LARS1: variants seen among roughly 807,000 people sequenced by gnomAD.
The protein encoded by LARS1 is leucine--tRNA ligase, cytoplasmic.
A neutral mutation model predicts 162.8 loss-of-function variants in LARS1; 100 were observed. The observed-to-expected ratio is 0.61, with a 90% CI of 0.52 to 0.73. The LOEUF (loss-of-function observed/expected upper bound fraction) is 0.73. Among genes scored for constraint, LARS1 ranks in the 30% least tolerant of loss-of-function variants. LARS1 has a pLI of 0.00. For missense variants in LARS1, 1,258 were observed against 1,408.9 expected (o/e 0.89, Z 1.71); for synonymous variants, 457 against 462.8 (o/e 0.99, Z 0.16).
chr5:146,144,009 GA>G (rs1297569844), intron 18 of LARS1, among the ~76,000 whole-genome samples: 1 of 151,122 alleles, frequency 6.6e-6, no homozygotes, highest in Non-Finnish European at 1.5e-5. Flanking sequence ...CTCTAAAAAA[GA>G]AAAAAAAGAC....
At chr5:146,176,736 G>A (rs1354127779) in intron 2 of LARS1, among the ~76,000 whole-genome samples, 3 of 151,862 alleles carry the variant, frequency 2.0e-5, no homozygotes, top group Admixed American at 6.6e-5. Flanking sequence ...CATGATCTAC[G>A]TTTGTCTTTA....
At chr5:146,179,677 G>A (rs757211262) in intron 1 of LARS1, 15 of 441,618 alleles carry the variant, frequency 3.4e-5, no homozygotes, top group Admixed American at 9.8e-5. Context: ...CCAGCTCACC[G>A]CAGCCTTGAC....
intron 2 of LARS1, among the ~76,000 whole-genome samples, chr5:146,176,256 A>T (rs2126602320): frequency 6.6e-6 from 1 of 152,228 alleles, no homozygotes. Flanking sequence ...AATCGAGACC[A>T]TCCTGGCCAA....
At chr5:146,126,621 G>T in intron 27 of LARS1, 76 bp from the exon 28 acceptor site, 1 of 906,866 alleles carries the variant, frequency 1.1e-6, no homozygotes, top group Non-Finnish European at 1.8e-6. Flanking sequence ...ATGTGACCAG[G>T]CATAGAATGG....
At chr5:146,181,649 C>T (rs1047271448) in intron 1 of LARS1, among the ~76,000 whole-genome samples, 1 of 151,852 alleles carries the variant, frequency 6.6e-6, no homozygotes, top group African/African-American at 2.4e-5. Flanking sequence ...GAGAACATCT[C>T]CCAAATTTAA....
intron 23 of LARS1, chr5:146,131,474 G>C (rs1752274828): frequency 6.6e-6 from 1 of 150,448 alleles, no homozygotes; most frequent in African/African-American, 2.5e-5. Flanking sequence ...GCCTAACTAA[G>C]GTTGTAGCCA....
intron 4 of LARS1, among the ~76,000 whole-genome samples, chr5:146,170,134 G>T (rs559003083): frequency 2.6e-5 from 4 of 152,088 alleles, no homozygotes; most frequent in Admixed American, 6.6e-5. Context: ...ACAGTGAAAA[G>T]AATGGATAAT....
chr5:146,168,820 A>G (rs182144715), intron 4 of LARS1, among the ~76,000 whole-genome samples: 194 of 152,194 alleles, frequency 1.3e-3, no homozygotes, highest in Non-Finnish European at 2.1e-3. Flanking sequence ...AATATAGTAT[A>G]CTATATACCA....
At chr5:146,169,104 CAAGAAAGA>C (rs200941278) in intron 4 of LARS1, among the ~76,000 whole-genome samples, 129 of 151,424 alleles carry the variant, frequency 8.5e-4, no homozygotes, top group Middle Eastern at 3.4e-3. Flanking sequence ...ATCCCACCAG[CAAGAAAGA>C]AAGAAAGAAA....
chr5:146,153,878 A>T lies in LARS1; in HGVS notation c.1153+15T>A. 6.2e-7 allele frequency: 1 copy of T among 1,608,462 alleles called. No homozygotes were observed. The highest frequency in any genetic ancestry group is 8.5e-7 in the Non-Finnish European group (1 of 1,175,050). ...TGTTTATCAAAATATTTCTAGAAAT[A>T]AATAAACTCTTTACCTTTATCCTCC... On this transcript the variant is annotated intron_variant, in intron 11 of 31. Coordinates refer to ENST00000394434, the MANE Select transcript of LARS1 (RefSeq NM_020117.11).
At chr5:146,117,924 T>C (rs1751631433) in intron 31 of LARS1, among the ~76,000 whole-genome samples, 1 of 152,224 alleles carries the variant, frequency 6.6e-6, no homozygotes, top group African/African-American at 2.4e-5. Context: ...TGTAAATTTG[T>C]ATAGCCACTA....
At chr5:146,133,272 T>C (rs1752364744) in intron 22 of LARS1, among the ~76,000 whole-genome samples, 191 bp from the exon 23 acceptor site, 1 of 152,228 alleles carries the variant, frequency 6.6e-6, no homozygotes, top group South Asian at 2.1e-4. Context: ...TGTTAAAATA[T>C]TCGAACCATC....
In LARS1 at chr5:146,123,827, T is replaced by G. The variant is rs986519238; in HGVS notation, c.3096+155A>C. 5.3e-5 allele frequency among the ~76,000 whole-genome samples: 8 copies of G among 151,670 alleles called. No individual in the cohort carries two copies. In the Admixed American group the frequency reaches 5.3e-4, roughly 10 times the overall value. On this transcript the variant is annotated intron_variant, in intron 29 of 31. Transcript: ENST00000394434. The stretch of plus-strand genomic sequence containing the variant: ...TTCCTGCAACTTTTATACTCACCCA[T>G]TTTTCTTCTCTCCAAAAATATTTTC...
intron 4 of LARS1, among the ~76,000 whole-genome samples, chr5:146,169,745 C>T (rs1221875639): frequency 6.6e-6 from 1 of 152,000 alleles, no homozygotes; most frequent in African/African-American, 2.4e-5. Context: ...GATGGGGTTT[C>T]ACCACGTTGG....
At chr5:146,144,861 T>C (rs912472108) in intron 15 of LARS1, 152 bp from the exon 16 acceptor site, 2 of 637,048 alleles carry the variant, frequency 3.1e-6, no homozygotes, top group East Asian at 2.7e-5. Flanking sequence ...GGGTCAGTCA[T>C]CTTCTACCTT....
intron 4 of LARS1, among the ~76,000 whole-genome samples, chr5:146,171,698 CACTT>C (rs1184740303): frequency 6.6e-6 from 1 of 152,112 alleles, no homozygotes; most frequent in Non-Finnish European, 1.5e-5. Context: ...ACATTAAAAT[CACTT>C]AGTAATCACT....
At chr5:146,171,368 T>A (rs892317074) in intron 4 of LARS1, among the ~76,000 whole-genome samples, 10 of 148,758 alleles carry the variant, frequency 6.7e-5, no homozygotes, top group African/African-American at 2.2e-4. Context: ...AAAAAAAAAA[T>A]AAAATAAAGT....
intron 31 of LARS1, among the ~76,000 whole-genome samples, chr5:146,117,349 C>T (rs1018138609): frequency 6.6e-6 from 1 of 152,048 alleles, no homozygotes; most frequent in African/African-American, 2.4e-5. Context: ...GTGTCTCATC[C>T]CTGTGATCCC....
At chr5:146,129,898 G>T in intron 25 of LARS1, 120 bp downstream of exon 25, 1 of 991,576 alleles carries the variant, frequency 1.0e-6, no homozygotes, top group Non-Finnish European at 1.5e-6. Context: ...GCTGAATCCA[G>T]CATTACTCTT....
Sources: allele counts gnomAD v4.1 joint callset (sites outside exome capture counted in the v4.1 genomes callset), GRCh38; gene constraint gnomAD v4.1.1; transcripts MANE v1.5; gene names NCBI Gene and HGNC (gene_info 2026-07-23, HGNC 2026-07-21).